The following ME3 variants were observed in gnomAD, a reference collection of about 807,000 sequenced individuals.
The protein encoded by ME3 is NADP-dependent malic enzyme, mitochondrial.
ME3 carries 48 observed loss-of-function variants against 68.9 expected under a neutral mutation model. That is an observed-to-expected ratio of 0.70 (90% CI 0.55 to 0.89). The LOEUF is 0.89. ME3 is among the 40% of genes least tolerant of loss of function. The pLI, the probability that ME3 is intolerant of heterozygous loss-of-function variation, is 0.00. For missense variants in ME3, 675 were observed against 797.4 expected (o/e 0.85, Z 1.85); for synonymous variants, 320 against 318.8 (o/e 1.00, Z -0.04).
intron 2 of ME3, among the ~76,000 whole-genome samples, chr11:86,635,959 A>C (rs1325559685): frequency 6.6e-6 from 1 of 152,122 alleles, no homozygotes; most frequent in African/African-American, 2.4e-5. Context: ...TTCTTTCCCT[A>C]GTTCTTCTGG....
intron 2 of ME3, among the ~76,000 whole-genome samples, chr11:86,560,181 T>C (rs1456296279): frequency 6.6e-6 from 1 of 152,194 alleles, no homozygotes; most frequent in African/African-American, 2.4e-5. Flanking sequence ...TCCCCATGTG[T>C]TGAGGGAGGG....
intron 2 of ME3, among the ~76,000 whole-genome samples, chr11:86,582,522 T>G (rs532294206): frequency 6.6e-6 from 1 of 152,284 alleles, no homozygotes; most frequent in East Asian, 1.9e-4. Context: ...GGTGACAACC[T>G]TGTCCTTGGG....
chr11:86,483,229 TG>T (rs1951511132), intron 7 of ME3, among the ~76,000 whole-genome samples: 1 of 151,822 alleles, frequency 6.6e-6, no homozygotes, highest in Non-Finnish European at 1.5e-5. Flanking sequence ...TAGAAACAAG[TG>T]GGATGAGTAG....
chr11:86,637,349 CA>C (rs11402713), intron 2 of ME3, among the ~76,000 whole-genome samples: 15,517 of 121,934 alleles, frequency 0.13, 1,200 homozygotes, highest in East Asian at 0.44. Context: ...ACAAGAAGCA[CA>C]AAAAAAAAAA....
intron 2 of ME3, among the ~76,000 whole-genome samples, chr11:86,625,840 T>G (rs1008603445): frequency 1.3e-5 from 2 of 152,180 alleles, no homozygotes; most frequent in Non-Finnish European, 1.5e-5. Flanking sequence ...TCTAGCTGAG[T>G]GTAACTTTGA....
chr11:86,547,075 A>G (rs1405959650), intron 4 of ME3, among the ~76,000 whole-genome samples: 4 of 151,822 alleles, frequency 2.6e-5, no homozygotes, highest in South Asian at 2.1e-4. Context: ...CATCTCTACT[A>G]AAAATACAAA....
Position 86,560,724 on chromosome 11 carries a change from G to A in ME3, c.184-901C>T, listed in dbSNP as rs201977588. Among the ~76,000 whole-genome samples, 111 of 66,912 alleles carry A rather than the reference G, an allele frequency of 1.7e-3. 2 individuals carry two copies. The highest frequency in any genetic ancestry group is 5.6e-3 in the African/African-American group (93 of 16,586). 43.9% of individuals were successfully genotyped at this position (66,912 alleles called of 152,430 possible). A position where few individuals can be genotyped will look rare whatever the true frequency, so the allele number is the denominator to read the frequency against. On this transcript the variant is annotated intron_variant, in intron 2 of 14. Transcript: ENST00000543262. ...ATGATATGTGTGTGTGTGTGTGTGT[G>A]TATGTGTGTGTGTGTGTGTGTGTGT... is the stretch of plus-strand genomic sequence containing the variant.
At chr11:86,555,225 C>T (rs767941805) in intron 4 of ME3, among the ~76,000 whole-genome samples, 31 of 152,158 alleles carry the variant, frequency 2.0e-4, no homozygotes, top group Non-Finnish European at 4.3e-4. Context: ...TTAGATATCT[C>T]AGACTGTTGG....
chr11:86,464,335 C>T (rs1002363804), intron 8 of ME3, among the ~76,000 whole-genome samples: 1 of 152,218 alleles, frequency 6.6e-6, no homozygotes, highest in Non-Finnish European at 1.5e-5. Flanking sequence ...ACTTCTAGAT[C>T]AAGTGAGATG....
chr11:86,613,717 C>A (rs1594669842), intron 2 of ME3, among the ~76,000 whole-genome samples: 1 of 151,796 alleles, frequency 6.6e-6, no homozygotes, highest in African/African-American at 2.4e-5. Context: ...TCCCAGTCAC[C>A]ATTGCTACAA....
chr11:86,456,962 C>G (rs1203842974), intron 8 of ME3, among the ~76,000 whole-genome samples: 1 of 152,174 alleles, frequency 6.6e-6, no homozygotes, highest in Non-Finnish European at 1.5e-5. Flanking sequence ...TGGAACTAAT[C>G]AGGACAGAAC....
At chr11:86,640,458 G>T (rs10501627) in intron 2 of ME3, among the ~76,000 whole-genome samples, 53,371 of 152,144 alleles carry the variant, frequency 0.35, 10,984 homozygotes, top group Non-Finnish European at 0.46. Flanking sequence ...CCCAATATTT[G>T]AACAACAGCT....
In ME3 at chr11:86,635,722, G is replaced by A. The variant is rs1031717448; in HGVS notation, c.183+36040C>T. Among the ~76,000 whole-genome samples, 12 of 152,210 alleles carry A rather than the reference G, an allele frequency of 7.9e-5. 1 individual carries two copies. Among genetic ancestry groups the A allele is most frequent in the African/African-American group, 2.7e-4 (11 of 41,458 alleles). On this transcript the variant is annotated intron_variant, in intron 2 of 14. Transcript: ENST00000543262. ...TGTTCTTGGACTTCCCAGCTCCAGA[G>A]CTGTGAGGAAATAACTTTTTTTCCT... is the stretch of plus-strand genomic sequence containing the variant.
intron 7 of ME3, among the ~76,000 whole-genome samples, chr11:86,485,058 G>T (rs1046064516): frequency 6.6e-6 from 1 of 152,138 alleles, no homozygotes; most frequent in South Asian, 2.1e-4. Context: ...CTCTTTCTGT[G>T]ACAGGGAACT....
chr11:86,631,582 G>C (rs948147587), intron 2 of ME3, among the ~76,000 whole-genome samples: 14 of 152,118 alleles, frequency 9.2e-5, no homozygotes, highest in Non-Finnish European at 2.1e-4. Flanking sequence ...AGATCAGACT[G>C]TCTTGTTTAT....
At chr11:86,662,888 A>G (rs1425485029) in intron 2 of ME3, among the ~76,000 whole-genome samples, 1 of 152,214 alleles carries the variant, frequency 6.6e-6, no homozygotes. Flanking sequence ...CCCTAGCTCC[A>G]CTGTACACTT....
chr11:86,518,325 T>A (rs1954031615), intron 4 of ME3, among the ~76,000 whole-genome samples: 1 of 152,088 alleles, frequency 6.6e-6, no homozygotes, highest in Non-Finnish European at 1.5e-5. Flanking sequence ...GGTGAGAAAA[T>A]GCCCTTATCA....
intron 4 of ME3, among the ~76,000 whole-genome samples, chr11:86,551,524 G>A (rs1956680352): frequency 1.3e-5 from 2 of 152,184 alleles, no homozygotes; most frequent in African/African-American, 4.8e-5. Context: ...GCTGGACTAT[G>A]AATTCAGGAA....
At chr11:86,624,992 CT>C (rs1943570125) in intron 2 of ME3, among the ~76,000 whole-genome samples, 1 of 152,114 alleles carries the variant, frequency 6.6e-6, no homozygotes, top group Non-Finnish European at 1.5e-5. Flanking sequence ...AAATGACATG[CT>C]TAGGAGAAAG....
Sources: gnomAD v4.1 joint callset for allele counts (sites outside exome capture counted in the v4.1 genomes callset) on GRCh38, gnomAD v4.1.1 for gene constraint, MANE v1.5 for transcripts, NCBI Gene and HGNC (gene_info 2026-07-23, HGNC 2026-07-21) for gene names.